The following ZBTB20 variants were observed in gnomAD, a reference collection of about 807,000 sequenced individuals.
The protein encoded by ZBTB20 is zinc finger and BTB domain-containing protein 20.
Under a neutral mutation model 56.9 loss-of-function variants are expected in ZBTB20, and 9 were observed. The ratio of observed to expected loss-of-function variants is 0.16; its 90% confidence interval spans 0.10 to 0.28. The LOEUF (loss-of-function observed/expected upper bound fraction) is 0.28. Among genes scored for constraint, ZBTB20 ranks in the 10% least tolerant of loss-of-function variants. The pLI is 1.00. For missense variants in ZBTB20, 655 were observed against 1,003.0 expected, an observed-to-expected ratio of 0.65 and a Z score of 4.69; for synonymous variants, 417 against 420.7, an observed-to-expected ratio of 0.99 and a Z score of 0.11.
intron 2 of ZBTB20, among the ~76,000 whole-genome samples, chr3:114,976,606 A>G (rs1343746057): frequency 1.3e-5 from 2 of 151,664 alleles, no homozygotes; most frequent in Non-Finnish European, 1.5e-5. Context: ...AGCCTGGGTG[A>G]TAAGAGCAAA....
chr3:114,355,636 C>T lies in ZBTB20; in HGVS notation c.200-3758G>A, dbSNP rs565461818. ...AAGTCCAGGCTTTTGTGAGCATGTC[C>T]TTTTCATCCAATGGGCATTAATGTA... On this transcript the variant is annotated intron_variant, in intron 10 of 11. Coordinates refer to ENST00000675478, the MANE Select transcript of ZBTB20 (RefSeq NM_001348800.3). Among the ~76,000 whole-genome samples, 55 of 152,246 alleles carry T rather than the reference C, an allele frequency of 3.6e-4. No homozygotes were observed. The South Asian group carries it at 0.011, about 30-fold the overall frequency.
chr3:114,924,575 A>G (rs1391012570), intron 3 of ZBTB20, among the ~76,000 whole-genome samples: 3 of 152,188 alleles, frequency 2.0e-5, no homozygotes, highest in Non-Finnish European at 4.4e-5. Flanking sequence ...AAATAAGGAG[A>G]TGTTGATTAA....
At chr3:114,375,466 C>T (rs1478822148) in intron 10 of ZBTB20, among the ~76,000 whole-genome samples, 2 of 152,184 alleles carry the variant, frequency 1.3e-5, no homozygotes, top group Admixed American at 1.3e-4. Context: ...CTTTTACTTT[C>T]CAGTTTGAAT....
intron 7 of ZBTB20, among the ~76,000 whole-genome samples, chr3:114,481,762 A>G (rs1411027551): frequency 6.6e-6 from 1 of 152,210 alleles, no homozygotes; most frequent in East Asian, 1.9e-4. Context: ...TGCTGAAAGG[A>G]CAATGGGAAG....
At chr3:114,444,735 T>G (rs2091159697) in intron 7 of ZBTB20, among the ~76,000 whole-genome samples, 1 of 152,130 alleles carries the variant, frequency 6.6e-6, no homozygotes. Context: ...TTTTTTTTGA[T>G]AAAAATAAAA....
At chr3:114,578,799 AG>A (rs1165768352) in intron 6 of ZBTB20, among the ~76,000 whole-genome samples, 1 of 151,788 alleles carries the variant, frequency 6.6e-6, no homozygotes, top group Non-Finnish European at 1.5e-5. Flanking sequence ...ACTAAAAAAA[AG>A]TAACAAGAAA....
At chr3:114,542,334 A>G (rs1577406642) in intron 6 of ZBTB20, among the ~76,000 whole-genome samples, 1 of 152,330 alleles carries the variant, frequency 6.6e-6, no homozygotes, top group African/African-American at 2.4e-5. Context: ...AGAGAAAGTT[A>G]TAAATCATAA....
chr3:114,696,738 G>A lies in ZBTB20; in HGVS notation c.-342-3163C>T, dbSNP rs552266786. 2.6e-5 allele frequency among the ~76,000 whole-genome samples: 4 copies of A among 152,092 alleles called. No homozygotes were observed. In the East Asian group the frequency reaches 5.8e-4, roughly 22 times the overall value. ...CTGTGCTCCCACTTAAGGTGGAAAG[G>A]GAGTTACTCCAATGAAAGAAAAGGG... On this transcript the variant is annotated intron_variant, in intron 5 of 11. Transcript: ENST00000675478.
chr3:114,759,821 T>C (rs1309406371), intron 5 of ZBTB20, among the ~76,000 whole-genome samples: 1 of 152,170 alleles, frequency 6.6e-6, no homozygotes, highest in Non-Finnish European at 1.5e-5. Flanking sequence ...AGAATTTTGC[T>C]TGAAAGTAAG....
chr3:115,039,813 G>T (rs140337195), intron 2 of ZBTB20, among the ~76,000 whole-genome samples: 1 of 152,124 alleles, frequency 6.6e-6, no homozygotes, highest in African/African-American at 2.4e-5. Context: ...GGAGAATGGG[G>T]ACATGTTGGT....
chr3:114,787,836 T>G (rs2070669303), intron 5 of ZBTB20, among the ~76,000 whole-genome samples: 1 of 152,108 alleles, frequency 6.6e-6, no homozygotes, highest in African/African-American at 2.4e-5. Flanking sequence ...TGGTAAGAGA[T>G]AACACTGTTG....
chr3:114,502,690 C>G (rs1355243497), intron 6 of ZBTB20: 2 of 152,154 alleles, frequency 1.3e-5, no homozygotes, highest in South Asian at 2.1e-4. Flanking sequence ...TTCTAGTCTT[C>G]TCTGCAAGCC....
At chr3:114,822,319 C>G (rs1421098805) in intron 4 of ZBTB20, among the ~76,000 whole-genome samples, 1 of 151,882 alleles carries the variant, frequency 6.6e-6, no homozygotes, top group Non-Finnish European at 1.5e-5. Context: ...TATGATAAAT[C>G]AGTATTGTCA....
chr3:114,566,615 C>T (rs1391673858), intron 6 of ZBTB20, among the ~76,000 whole-genome samples: 1 of 152,136 alleles, frequency 6.6e-6, no homozygotes, highest in Non-Finnish European at 1.5e-5. Flanking sequence ...TAGTCACCTC[C>T]CAATCTAAGA....
intron 6 of ZBTB20, among the ~76,000 whole-genome samples, chr3:114,610,066 G>A (rs559459185): frequency 1.1e-4 from 17 of 152,284 alleles, no homozygotes; most frequent in Admixed American, 7.2e-4. Flanking sequence ...AGCAGCAGCA[G>A]CAGCAGCAAA....
chr3:115,092,586 G>A (rs1463442438), intron 1 of ZBTB20, among the ~76,000 whole-genome samples: 3 of 152,068 alleles, frequency 2.0e-5, no homozygotes, highest in African/African-American at 7.2e-5. Context: ...ATAGAGTGCA[G>A]CTTTGCCATT....
chr3:114,639,914 A>T (rs7642487), intron 6 of ZBTB20, among the ~76,000 whole-genome samples: 2,489 of 152,004 alleles, frequency 0.016, 59 homozygotes, highest in African/African-American at 0.056. Context: ...AAGAATATTT[A>T]TTTTTTTGCC....
At chr3:114,354,587 G>GTTTTT (rs10663657) in intron 10 of ZBTB20, among the ~76,000 whole-genome samples, 18 of 130,118 alleles carry the variant, frequency 1.4e-4, no homozygotes, top group Admixed American at 1.6e-4. Flanking sequence ...TGTTTTGTTT[G>GTTTTT]TTTTTTTTTT....
chr3:114,840,132 T>G (rs777709933), intron 4 of ZBTB20, among the ~76,000 whole-genome samples: 1 of 152,200 alleles, frequency 6.6e-6, no homozygotes, highest in African/African-American at 2.4e-5. Context: ...CTATACTAAT[T>G]GTGTGTCTTT....
Sources: gnomAD v4.1 joint callset for allele counts (sites outside exome capture counted in the v4.1 genomes callset) on GRCh38, gnomAD v4.1.1 for gene constraint, MANE v1.5 for transcripts, NCBI Gene and HGNC (gene_info 2026-07-23, HGNC 2026-07-21) for gene names.